The following UGT1A7 variants were observed in gnomAD, a reference collection of about 807,000 sequenced individuals.
UGT1A7 encodes the protein UDP glucuronosyltransferase family 1 member A7, also known as UDP-glucuronosyltransferase 1A7.
A neutral mutation model predicts 45.6 loss-of-function variants in UGT1A7; 33 were observed. The ratio of observed to expected loss-of-function variants is 0.72; its 90% CI spans 0.55 to 0.97. The LOEUF (loss-of-function observed/expected upper bound fraction) is 0.97, where lower values mean the gene tolerates loss of function less well. Among genes scored for constraint, UGT1A7 ranks in the 50% least tolerant of loss-of-function variants. The probability of loss-of-function intolerance (pLI) is 0.00; values close to 1 mark genes in which losing one functional copy is unlikely to be tolerated. For synonymous variants in UGT1A7, 274 were observed against 250.6 expected, an observed-to-expected ratio of 1.09 and a Z score of -0.88; for missense variants, 684 against 666.2, an observed-to-expected ratio of 1.03 and a Z score of -0.29.
intron 1 of UGT1A7, among the ~76,000 whole-genome samples, chr2:233,727,743 C>T (rs576433426): frequency 2.0e-5 from 3 of 152,300 alleles, no homozygotes; most frequent in Non-Finnish European, 2.9e-5. Flanking sequence ...TGCCATCCTG[C>T]GTGTGCTGCC....
At chr2:233,730,055 T>G in intron 1 of UGT1A7, 1 of 1,611,964 alleles carries the variant, frequency 6.2e-7, no homozygotes, top group Non-Finnish European at 8.5e-7. Context: ...AAAAAATGTA[T>G]TTATTTAAAA....
At chr2:233,734,123 A>ATAATAAT (rs1384319848) in intron 1 of UGT1A7, among the ~76,000 whole-genome samples, 2 of 151,918 alleles carry the variant, frequency 1.3e-5, no homozygotes, top group Non-Finnish European at 2.9e-5. Flanking sequence ...AATAATAATA[A>ATAATAAT]AAAGAATTTG....
chr2:233,725,911 A>G (rs1258328024), intron 1 of UGT1A7, among the ~76,000 whole-genome samples: 2 of 152,166 alleles, frequency 1.3e-5, no homozygotes. Flanking sequence ...CACACCTGCA[A>G]TTTCAGCCCT....
chr2:233,687,252 A>T (rs2074829150), intron 1 of UGT1A7, among the ~76,000 whole-genome samples: 1 of 152,196 alleles, frequency 6.6e-6, no homozygotes, highest in African/African-American at 2.4e-5. Flanking sequence ...AAGATTAATG[A>T]TCTTAACCAT....
In UGT1A7 at chr2:233,772,554, C is replaced by T. The variant is rs768200668; in HGVS notation, c.1588C>T (p.His530Tyr). 6.2e-7 allele frequency: 1 copy of T among 1,613,984 alleles called. No homozygotes were observed. The highest frequency in any genetic ancestry group is 1.1e-5 in the South Asian group (1 of 91,072). ...TAAGAAAGCCCACAAATCCAAGACC[C>T]ATTGAGAAGTGGGTGGGAAATAAGG... Reference protein sequence around the residue: ...RVKKAHKSKTH With the variant: ...RVKKAHKSKTY The change falls in exon 5 of 5, where the codon CAT (histidine) becomes TAT (tyrosine). Residue 530 changes from histidine (H) to tyrosine (Y), a missense_variant. Physicochemically the swap from His to Tyr is moderately conservative, Grantham distance 83. Coordinates refer to ENST00000373426, the MANE Select transcript of UGT1A7 (RefSeq NM_019077.3).
At chr2:233,754,441 A>G (rs1275435430) in intron 1 of UGT1A7, 18 of 350,072 alleles carry the variant, frequency 5.1e-5, no homozygotes, top group Non-Finnish European at 5.6e-6. Context: ...AAGTGTTTAT[A>G]AATTCTTGGG....
chr2:233,772,846 T>C lies in UGT1A7; in HGVS notation c.*287T>C, dbSNP rs1314535454. ...AGGCTGGCATTCTAGATTACTTTTCTTACTCTGAAACATGGCCTGTTTGGG... is the reference window on the plus strand; with the variant it reads ...AGGCTGGCATTCTAGATTACTTTTCCTACTCTGAAACATGGCCTGTTTGGG... On this transcript the variant is annotated 3_prime_UTR_variant, in exon 5 of 5. Transcript: ENST00000373426. 2 of 808,282 alleles carry C rather than the reference T, an allele frequency of 2.5e-6. No individual in the cohort carries two copies. Among genetic ancestry groups the C allele is most frequent in the Non-Finnish European group, 3.5e-6 (2 of 570,582 alleles). 50.1% of individuals were successfully genotyped at this position (808,282 alleles called of 1,614,324 possible). A position where few individuals can be genotyped will look rare whatever the true frequency, so the allele number is the denominator to read the frequency against.
rs1162571457 is a variant in UGT1A7, at chr2:233,687,640, C to T, written c.855+4848C>T. On this transcript the variant is annotated intron_variant, in intron 1 of 4. Transcript: ENST00000373426. ...AAAAAAGGCTGAGTGTGGTGGCTCA[C>T]ACATGTAATCACAGCACTTTAGGAG... Among the ~76,000 whole-genome samples the T allele has an allele frequency of 2.7e-5, 4 of 148,300 alleles. No homozygotes were observed. The South Asian group carries it at 6.4e-4, about 24-fold the overall frequency.
rs558356938 is a variant in UGT1A7 at position 233,722,599 on chromosome 2, T to C, written c.855+39807T>C. Among the ~76,000 whole-genome samples the C allele has an allele frequency of 1.3e-4, 20 of 152,338 alleles. 1 individual carries two copies. In the South Asian group the frequency reaches 4.1e-3, roughly 32 times the overall value. On this transcript the variant is annotated intron_variant, in intron 1 of 4. Transcript: ENST00000373426. ...AACTTCGTTAGAGGACTATTACACT[T>C]CTTTACATTTGATTTTTCTTAATGA... is the stretch of plus-strand genomic sequence containing the variant.
At chr2:233,747,348 G>A (rs1230445654) in intron 1 of UGT1A7, 17 of 1,603,310 alleles carry the variant, frequency 1.1e-5, no homozygotes, top group African/African-American at 4.0e-5. Context: ...TCGCATGCGG[G>A]AGGCCGTGCG....
Position 233,703,068 on chromosome 2 carries a change from T to C in UGT1A7, c.855+20276T>C, listed in dbSNP as rs370825305. 7.9e-5 allele frequency among the ~76,000 whole-genome samples: 12 copies of C among 152,368 alleles called. No homozygotes were observed. In the East Asian group the frequency reaches 1.5e-3, roughly 20 times the overall value. On this transcript the variant is annotated intron_variant, in intron 1 of 4. Transcript: ENST00000373426. ...TTGATAGAATTCACTAGTGAAGCTG[T>C]CTGGGCCTAGGCTTTTCTTGCAGGA...
chr2:233,725,567 G>A (rs1036939921), intron 1 of UGT1A7, among the ~76,000 whole-genome samples: 32 of 151,948 alleles, frequency 2.1e-4, no homozygotes, highest in African/African-American at 5.6e-4. Flanking sequence ...ACATATATTC[G>A]ATATAAGATT....
At chr2:233,754,396 GT>G in intron 1 of UGT1A7, 1 of 330,590 alleles carries the variant, frequency 3.0e-6, no homozygotes, top group South Asian at 2.6e-5. Flanking sequence ...GGTCCTATCC[GT>G]GCAGTCCCAA....
chr2:233,757,535 A>AATATATATACATATACATATATACAT (rs376887521), intron 1 of UGT1A7, among the ~76,000 whole-genome samples: 3 of 88,312 alleles, frequency 3.4e-5, no homozygotes, highest in African/African-American at 1.5e-4. Context: ...GCCTGTAAGG[A>AATATATATACATATACATATATACAT]ATATATATAT....
At chr2:233,765,135 A>G (rs1248346894) in intron 1 of UGT1A7, among the ~76,000 whole-genome samples, 1 of 152,126 alleles carries the variant, frequency 6.6e-6, no homozygotes, top group Non-Finnish European at 1.5e-5. Flanking sequence ...TTAGCACTGA[A>G]CATCACATGT....
chr2:233,719,160 A>G (rs2125666938), intron 1 of UGT1A7: 1 of 1,614,264 alleles, frequency 6.2e-7, no homozygotes, highest in South Asian at 1.1e-5. Flanking sequence ...TTCTAGAAGT[A>G]TGGCAATTAT....
intron 1 of UGT1A7, among the ~76,000 whole-genome samples, chr2:233,709,664 G>A (rs775145297): frequency 1.3e-5 from 2 of 152,116 alleles, no homozygotes; most frequent in African/African-American, 2.4e-5. Context: ...TTGTATAGTA[G>A]GTTTTGGTCT....
intron 1 of UGT1A7, among the ~76,000 whole-genome samples, chr2:233,726,110 G>C (rs2077503399): frequency 6.6e-6 from 1 of 152,164 alleles, no homozygotes; most frequent in Non-Finnish European, 1.5e-5. Context: ...AGGCTGCAGT[G>C]TGCCATGTTC....
rs1431624196 is a variant in UGT1A7, at chr2:233,711,879, AG to A, written c.855+29089del. Among the ~76,000 whole-genome samples, 5 of 152,344 alleles carry A rather than the reference AG, an allele frequency of 3.3e-5. No homozygotes were observed. The South Asian group carries it at 8.3e-4, about 25-fold the overall frequency. On this transcript the variant is annotated intron_variant, in intron 1 of 4. Transcript: ENST00000373426. ...ACAAGTATGAGTGACTTTCTGGAGC[AG>A]GACGAGTCTCATGGGCGTGAGACCA...
Sources: gnomAD v4.1 joint callset for allele counts (sites outside exome capture counted in the v4.1 genomes callset) on GRCh38, gnomAD v4.1.1 for gene constraint, MANE v1.5 for transcripts, NCBI Gene and HGNC (gene_info 2026-07-23, HGNC 2026-07-21) for gene names.